SORCS2: variants seen among roughly 807,000 people sequenced by gnomAD.
The protein encoded by SORCS2 is sortilin related VPS10 domain containing receptor 2, also known as VPS10 domain-containing receptor SorCS2.
A neutral mutation model predicts 141.6 loss-of-function variants in SORCS2; 100 were observed. The ratio of observed to expected loss-of-function variants is 0.71; its 90% CI spans 0.60 to 0.83. The LOEUF (loss-of-function observed/expected upper bound fraction) is 0.83, where lower values mean the gene tolerates loss of function less well. SORCS2 is among the 40% of genes least tolerant of loss of function. The pLI is 0.00. For synonymous variants in SORCS2, 789 were observed against 676.9 expected (o/e 1.17, Z -2.57); for missense variants, 1,646 against 1,560.2 (o/e 1.05, Z -0.93).
intron 1 of SORCS2, among the ~76,000 whole-genome samples, chr4:7,199,449 T>C (rs143932943): frequency 6.6e-6 from 1 of 152,158 alleles, no homozygotes; most frequent in Admixed American, 6.5e-5. Flanking sequence ...CAGAGATCTC[T>C]GAGGTGTAGA....
chr4:7,372,790 C>T (rs752858889), intron 1 of SORCS2, among the ~76,000 whole-genome samples: 6 of 152,062 alleles, frequency 3.9e-5, no homozygotes, highest in Non-Finnish European at 8.8e-5. Flanking sequence ...TCCGCCTGTC[C>T]GGAGTGCCGT....
intron 3 of SORCS2, among the ~76,000 whole-genome samples, chr4:7,616,591 G>A (rs184908241): frequency 6.6e-5 from 10 of 152,282 alleles, no homozygotes; most frequent in Admixed American, 3.3e-4. Context: ...AAGGAGCCCC[G>A]ATCTCTGTGG....
intron 2 of SORCS2, among the ~76,000 whole-genome samples, chr4:7,485,887 A>G (rs1730950852): frequency 6.6e-6 from 1 of 152,120 alleles, no homozygotes; most frequent in African/African-American, 2.4e-5. Context: ...GCGGGTAGAC[A>G]GGCTCTGGGA....
intron 8 of SORCS2, among the ~76,000 whole-genome samples, chr4:7,668,197 A>G (rs1421872779): frequency 2.6e-5 from 4 of 152,214 alleles, no homozygotes; most frequent in Non-Finnish European, 5.9e-5. Flanking sequence ...AGACAAATGC[A>G]TAAAATAATT....
chr4:7,396,172 TG>T, intron 1 of SORCS2, 115 bp from the exon 2 acceptor site: 1 of 872,386 alleles, frequency 1.1e-6, no homozygotes, highest in Non-Finnish European at 1.8e-6. Context: ...GAGAGGCCCC[TG>T]GGCGGCTGTT....
At chr4:7,304,310 C>T (rs979564630) in intron 1 of SORCS2, among the ~76,000 whole-genome samples, 2 of 152,148 alleles carry the variant, frequency 1.3e-5, no homozygotes, top group African/African-American at 2.4e-5. Flanking sequence ...TCATTAGCGA[C>T]GGGGGCAGGT....
chr4:7,210,050 G>A (rs1007731937), intron 1 of SORCS2, among the ~76,000 whole-genome samples: 2 of 152,234 alleles, frequency 1.3e-5, no homozygotes, highest in Non-Finnish European at 2.9e-5. Context: ...CCATGTCGGG[G>A]AGGCTATGAA....
At chr4:7,310,992 G>A (rs1035335138) in intron 1 of SORCS2, among the ~76,000 whole-genome samples, 8 of 152,190 alleles carry the variant, frequency 5.3e-5, no homozygotes, top group Admixed American at 2.0e-4. Context: ...GAATTTTGAC[G>A]TGTGTTTATT....
chr4:7,397,863 T>C (rs993780794), intron 2 of SORCS2, among the ~76,000 whole-genome samples: 1 of 152,164 alleles, frequency 6.6e-6, no homozygotes, highest in Non-Finnish European at 1.5e-5. Flanking sequence ...TGGTCAAGTC[T>C]TCTTCCAGCA....
chr4:7,473,686 G>A (rs533214933), intron 2 of SORCS2, among the ~76,000 whole-genome samples: 8 of 152,294 alleles, frequency 5.3e-5, no homozygotes, highest in African/African-American at 1.7e-4. Flanking sequence ...GGCGGTAGCA[G>A]GACTAGAAGG....
intron 3 of SORCS2, among the ~76,000 whole-genome samples, chr4:7,558,586 T>G (rs554803879): frequency 1.3e-5 from 2 of 152,176 alleles, no homozygotes; most frequent in South Asian, 4.1e-4. Flanking sequence ...CATCTGACAG[T>G]GCTGCCTGGT....
chr4:7,323,425 G>C (rs116709205), intron 1 of SORCS2, among the ~76,000 whole-genome samples: 1 of 152,174 alleles, frequency 6.6e-6, no homozygotes, highest in African/African-American at 2.4e-5. Flanking sequence ...AAACTGCACA[G>C]TAATGCCCTG....
chr4:7,600,604 G>C (rs1717593308), intron 3 of SORCS2, among the ~76,000 whole-genome samples: 1 of 151,306 alleles, frequency 6.6e-6, no homozygotes, highest in African/African-American at 2.4e-5. Context: ...CCGGGGTCCG[G>C]TAGAGGGAAT....
chr4:7,508,961 GGGA>G (rs1312149877), intron 2 of SORCS2, among the ~76,000 whole-genome samples: 2 of 152,190 alleles, frequency 1.3e-5, no homozygotes, highest in Admixed American at 1.3e-4. Flanking sequence ...AGGGTGGCTC[GGGA>G]GATGCAGCCA....
intron 1 of SORCS2, among the ~76,000 whole-genome samples, chr4:7,291,424 G>T (rs921769462): frequency 7.2e-5 from 11 of 152,168 alleles, no homozygotes; most frequent in African/African-American, 2.7e-4. Context: ...GCGAGGGGCT[G>T]GTGGTGCCGT....
intron 2 of SORCS2, among the ~76,000 whole-genome samples, chr4:7,513,115 A>G (rs2109472834): frequency 6.6e-6 from 1 of 151,814 alleles, no homozygotes; most frequent in East Asian, 1.9e-4. Context: ...GCCTCACACT[A>G]CTCGCTGTGG....
intron 13 of SORCS2, among the ~76,000 whole-genome samples, chr4:7,703,639 C>T (rs924160658): frequency 1.3e-5 from 2 of 152,076 alleles, no homozygotes; most frequent in African/African-American, 2.4e-5. Context: ...GGGCCTTCCC[C>T]GAGGAGGTGA....
At chr4:7,737,019 C>T (rs1390495826) in intron 25 of SORCS2, 50 bp from the exon 26 acceptor site, 28 of 1,545,622 alleles carry the variant, frequency 1.8e-5, no homozygotes, top group African/African-American at 4.1e-5. Context: ...CAGGGACAGG[C>T]GGCCTGGGAA....
Position 7,201,659 on chromosome 4 carries a change from G to A in SORCS2, c.480+8533G>A, listed in dbSNP as rs1222436453. ...GAAGAAATGGAGGGGAAGCTTGTAC[G>A]TTGCCTCCTCTTTTGGGGCCGCCTT... On this transcript the variant is annotated intron_variant, in intron 1 of 26. Coordinates refer to ENST00000507866, the MANE Select transcript of SORCS2 (RefSeq NM_020777.3). This position sits in a 1 kb window ranked among gnomAD's most constrained non-coding sequence, Gnocchi z 4.4. Among the ~76,000 whole-genome samples the A allele has an allele frequency of 1.3e-5, 2 of 152,194 alleles. No individual in the cohort carries two copies. Among genetic ancestry groups the A allele is most frequent in the African/African-American group, 2.4e-5 (1 of 41,456 alleles).
Sources: allele counts gnomAD v4.1 joint callset (sites outside exome capture counted in the v4.1 genomes callset), GRCh38; gene constraint gnomAD v4.1.1; non-coding constraint Gnocchi (gnomAD v3.1); transcripts MANE v1.5; gene names NCBI Gene and HGNC (gene_info 2026-07-23, HGNC 2026-07-21).